Variants in GRAMD1A observed in about 807,000 individuals in gnomAD.
The protein encoded by GRAMD1A is GRAM domain containing 1A.
Under a neutral mutation model 92.0 loss-of-function variants are expected in GRAMD1A, and 50 were observed. The observed-to-expected ratio is 0.54, with a 90% confidence interval of 0.43 to 0.69. GRAMD1A has a LOEUF of 0.69. GRAMD1A is among the 30% of genes least tolerant of loss of function. The pLI, the probability that GRAMD1A is intolerant of heterozygous loss-of-function variation, is 0.00. For missense variants in GRAMD1A, 819 were observed against 978.9 expected (o/e 0.84, Z 2.18); for synonymous variants, 405 against 403.6 (o/e 1.00, Z -0.04).
chr19:34,996,388 C>T, upstream of GRAMD1A: 1 of 955,612 alleles, frequency 1.0e-6, no homozygotes, highest in South Asian at 1.7e-5. Context: ...GGTCAGAGCA[C>T]AACCTTAGCC....
chr19:35,009,829 TG>T (rs1168681068), intron 3 of GRAMD1A, 58 bp from the exon 4 acceptor site: 2 of 1,004,072 alleles, frequency 2.0e-6, no homozygotes, highest in Non-Finnish European at 3.2e-6. Flanking sequence ...AGGAGCTTTG[TG>T]GGGCAGCATT....
Position 35,009,134 on chromosome 19 carries a change from T to C in GRAMD1A, c.24T>C (p.Ser8=). ...CTGCCCCCAGCACCACACCCCACTC[T>C]GGCCGGAGCACGCCAAGCAGCTCCC... MFDTTPH[S]GRSTPSSSPS... is the part of the protein sequence containing the mutation. Residue 8 remains serine, a synonymous_variant, in exon 2 of 20, where the codon TCT becomes TCC. Transcript: ENST00000317991. 6.2e-7 allele frequency: 1 copy of C among 1,613,190 alleles called. No homozygotes were observed. The highest frequency in any genetic ancestry group is 8.5e-7 in the Non-Finnish European group (1 of 1,179,274).
chr19:35,000,274 G>A (rs989424271), upstream of GRAMD1A: 3 of 1,030,452 alleles, frequency 2.9e-6, no homozygotes, highest in African/African-American at 1.7e-5. The surrounding 1 kb of genome is among the most constrained non-coding windows in gnomAD (Gnocchi z 4.9). Context: ...CGGGGCGGGG[G>A]AAGGAAGGGG....
intron 2 of GRAMD1A, 28 bp downstream of exon 2, chr19:35,009,357 A>T: frequency 6.2e-7 from 1 of 1,613,490 alleles, no homozygotes; most frequent in Non-Finnish European, 8.5e-7. Context: ...TGGGGTGGGG[A>T]GAGGGCTAGT....
intron 6 of GRAMD1A, 67 bp from the exon 7 acceptor site, chr19:35,011,407 C>A (rs969575224): frequency 3.0e-5 from 35 of 1,165,750 alleles, no homozygotes; most frequent in Non-Finnish European, 4.5e-5. Context: ...GAGGGTGGCG[C>A]TTCCCCACCT....
upstream of GRAMD1A, among the ~76,000 whole-genome samples, chr19:34,996,665 C>T (rs560542037): frequency 9.2e-5 from 14 of 152,170 alleles, no homozygotes; most frequent in Middle Eastern, 3.4e-3. Flanking sequence ...AATTAGCCAG[C>T]GATGGTGATG....
upstream of GRAMD1A, among the ~76,000 whole-genome samples, chr19:34,999,819 C>T (rs1051226033): frequency 2.0e-5 from 3 of 152,204 alleles, no homozygotes; most frequent in Admixed American, 1.3e-4. Flanking sequence ...ACGGAGGCAC[C>T]GGACCTCCTG....
In GRAMD1A at chr19:35,021,221, T is replaced by C. The variant is rs1028994161; in HGVS notation, c.1476-281T>C. The stretch of plus-strand genomic sequence containing the variant: ...TCAGGGGCATGGTCTGGTTAAGACG[T>C]CAGTCTGTGAGTAGACAGGGCTCAG... On this transcript the variant is annotated intron_variant, in intron 13 of 19. Transcript: ENST00000317991. This position sits in a 1 kb window ranked among gnomAD's most constrained non-coding sequence, Gnocchi z 5.3. Among the ~76,000 whole-genome samples the C allele has an allele frequency of 6.6e-6, 1 of 152,144 alleles. No homozygotes were observed. Among genetic ancestry groups the C allele is most frequent in the African/African-American group, 2.4e-5 (1 of 41,408 alleles).
At chr19:35,014,466 G>A (rs1422604756) in intron 10 of GRAMD1A, 79 bp downstream of exon 10, 9 of 1,258,408 alleles carry the variant, frequency 7.2e-6, no homozygotes, top group Admixed American at 1.8e-5. Context: ...GGATGGATTC[G>A]CCCGCAGCAC....
chr19:35,001,946 C>T (rs978934264), intron 1 of GRAMD1A, among the ~76,000 whole-genome samples: 1 of 151,894 alleles, frequency 6.6e-6, no homozygotes. Context: ...ATGTAAGTTA[C>T]ATTTGTGACA....
intron 1 of GRAMD1A, chr19:35,002,792 G>A (rs2014487266): frequency 6.6e-6 from 1 of 152,444 alleles, no homozygotes; most frequent in African/African-American, 2.4e-5. Flanking sequence ...GGGATGTGTT[G>A]GCTGACCGTG....
At chr19:35,007,719 A>G (rs1303614191) in intron 1 of GRAMD1A, among the ~76,000 whole-genome samples, 2 of 151,952 alleles carry the variant, frequency 1.3e-5, no homozygotes, top group Non-Finnish European at 2.9e-5. Context: ...TTTTTTAAAA[A>G]TAAAAAAGCT....
chr19:35,005,791 C>T (rs1030281607), intron 1 of GRAMD1A: 30 of 448,538 alleles, frequency 6.7e-5, no homozygotes, highest in African/African-American at 6.0e-4. Context: ...CAGTGACGGC[C>T]CAGAGTAGTC....
chr19:35,020,406 T>C (rs2151731387), intron 13 of GRAMD1A, among the ~76,000 whole-genome samples: 1 of 152,056 alleles, frequency 6.6e-6, no homozygotes, highest in South Asian at 2.1e-4. Context: ...GGGGTAGTGA[T>C]GCACGTCTGT....
rs761524689 is a variant in GRAMD1A at position 35,011,483 on chromosome 19, A to G, written c.535A>G (p.Thr179Ala). Residue 179 changes from threonine to alanine, a missense_variant, in exon 7 of 20, where the codon ACT (threonine) becomes GCT (alanine). Thr to Ala is a moderately conservative substitution (Grantham distance 58, BLOSUM62 0). This residue lies in a region of GRAMD1A where 144 missense variants were observed against 220.3 expected (regional missense o/e 0.65). Coordinates refer to ENST00000317991, the MANE Select transcript of GRAMD1A (RefSeq NM_020895.5). ...TCTCTCTCCCTGACAGCATTTCTTC[A>G]CTTCCTTTGGGGCCCGTGACCGCTG... ...ICTESEKHFF[T>A]SFGARDRCFL... 1.9e-6 allele frequency: 3 copies of G among 1,609,492 alleles called. No homozygotes were observed. The African/African-American group carries it at 4.0e-5, about 22-fold the overall frequency.
At chr19:34,995,606 G>A (rs2014006440), upstream of GRAMD1A, among the ~76,000 whole-genome samples, 1 of 100,254 alleles carries the variant, frequency 1.0e-5, no homozygotes, top group Non-Finnish European at 2.0e-5. Context: ...TTCTGAGACA[G>A]GGTCTCGCTC....
At chr19:34,995,570 GGTTTTTTTTT>G (rs1224200995), upstream of GRAMD1A, among the ~76,000 whole-genome samples, 5 of 80,956 alleles carry the variant, frequency 6.2e-5, no homozygotes, top group African/African-American at 1.4e-4. Flanking sequence ...TCAGATCACG[GGTTTTTTTTT>G]TTTTTTTTTT....
chr19:35,000,268 G>A (rs956224810), upstream of GRAMD1A: 17 of 1,028,686 alleles, frequency 1.7e-5, no homozygotes, highest in East Asian at 1.3e-3. The surrounding 1 kb of genome is among the most constrained non-coding windows in gnomAD (Gnocchi z 4.9). Flanking sequence ...ACGCGGCGGG[G>A]CGGGGGAAGG....
rs768668618 is a variant in GRAMD1A at position 35,009,168 on chromosome 19, C to T, written c.58C>T (p.Arg20Trp). Residue 20 changes from arginine (R) to tryptophan (W), a missense_variant, in exon 2 of 20, where the codon CGG becomes TGG. Transcript: ENST00000317991. ...CACGCCAAGCAGCTCCCCATCGCTC[C>T]GGAAACGGCTGCAGCTCCTGCCCCC... ...RSTPSSSPSL[R>W]KRLQLLPPSR... The T allele has an allele frequency of 6.8e-6, 11 of 1,614,010 alleles. No homozygotes were observed. Among genetic ancestry groups the T allele is most frequent in the South Asian group, 1.1e-5 (1 of 91,078 alleles).
Sources: allele counts gnomAD v4.1 joint callset (sites outside exome capture counted in the v4.1 genomes callset), GRCh38; gene constraint gnomAD v4.1.1; regional missense constraint gnomAD v4.1.1; non-coding constraint Gnocchi (gnomAD v3.1); transcripts MANE v1.5; gene names NCBI Gene and HGNC (gene_info 2026-07-23, HGNC 2026-07-21).